The following CNGA2 variants were observed in gnomAD, a reference collection of about 807,000 sequenced individuals.
The protein encoded by CNGA2 is cyclic nucleotide-gated channel alpha-2.
CNGA2 carries 22 observed loss-of-function variants against 35.9 expected under a neutral mutation model. That is an observed-to-expected ratio of 0.61 (90% CI 0.44 to 0.88). CNGA2 has a LOEUF of 0.88. Among genes scored for constraint, CNGA2 ranks in the 40% least tolerant of loss-of-function variants. The pLI, the probability that CNGA2 is intolerant of heterozygous loss-of-function variation, is 0.00. For missense variants in CNGA2, 555 were observed against 530.8 expected, an observed-to-expected ratio of 1.05 and a Z score of -0.45; for synonymous variants, 217 against 209.2, an observed-to-expected ratio of 1.04 and a Z score of -0.32.
At position 151,736,660 on chromosome X, in the gene CNGA2, G is replaced by A. The variant is rs1219238896; in HGVS notation, c.-27+1717G>A. On this transcript the variant is annotated intron_variant, in intron 1 of 6. Coordinates refer to ENST00000329903, the MANE Select transcript of CNGA2 (RefSeq NM_005140.3). Reference sequence around the variant, plus strand: ...TGTTTCCAGCAAGCAGCATGAGGGGGCAGTTTCTGGCAAAGGGGAGGGTGT... The same window carrying A: ...TGTTTCCAGCAAGCAGCATGAGGGGACAGTTTCTGGCAAAGGGGAGGGTGT... 4.5e-5 allele frequency among the ~76,000 whole-genome samples: 5 copies of A among 110,850 alleles called. No homozygotes were observed. The East Asian group carries it at 1.4e-3, about 32-fold the overall frequency.
At chrX:151,740,538 G>A (rs779552833) in intron 4 of CNGA2, among the ~76,000 whole-genome samples, 4 of 112,401 alleles carry the variant, frequency 3.6e-5, no homozygotes, top group African/African-American at 6.5e-5. Flanking sequence ...GGCCTGTAAC[G>A]TGCATGGGAA....
chrX:151,740,516 C>G (rs1297505564), intron 4 of CNGA2, among the ~76,000 whole-genome samples: 2 of 112,311 alleles, frequency 1.8e-5, no homozygotes, highest in Non-Finnish European at 1.9e-5. Context: ...TTGACATGCC[C>G]TCTGGGCAAG....
rs1311522218 is a variant in CNGA2 at position 151,744,587 on chromosome X, A to G, written c.*89A>G. On this transcript the variant is annotated 3_prime_UTR_variant, in exon 7 of 7. Coordinates refer to ENST00000329903, the MANE Select transcript of CNGA2 (RefSeq NM_005140.3). ...TATTTAGATCTCCGGATTTACATGC[A>G]TTACCCTCATGTTCCCTGAATTCTC... 7.6e-6 allele frequency: 6 copies of G among 789,577 alleles called. No homozygotes were observed. The highest frequency in any genetic ancestry group is 1.1e-5 in the Non-Finnish European group (6 of 558,340). 65.1% of individuals were successfully genotyped at this position (789,577 alleles called of 1,213,427 possible). A position where few individuals can be genotyped will look rare whatever the true frequency, so the allele number is the denominator to read the frequency against.
chrX:151,741,124 A>G (rs376245828), intron 5 of CNGA2, among the ~76,000 whole-genome samples: 4 of 112,102 alleles, frequency 3.6e-5, no homozygotes, highest in Admixed American at 2.8e-4. Flanking sequence ...ATTTGCAACA[A>G]ACATGCTTGA....
intron 5 of CNGA2, among the ~76,000 whole-genome samples, chrX:151,741,192 C>T (rs2015302214): frequency 8.9e-6 from 1 of 111,810 alleles, no homozygotes; most frequent in Non-Finnish European, 1.9e-5. Flanking sequence ...AGTGGCTCCC[C>T]ATTGTCCACA....
In CNGA2 at chrX:151,743,084, C is replaced by T. The variant is rs1944083364; in HGVS notation, c.590-9C>T. On this transcript the variant is annotated splice_polypyrimidine_tract_variant and intron_variant, in intron 6 of 6. Transcript: ENST00000329903. ...GCAGAGATGACATGCTGGCTTTCAT[C>T]TCTACTAGGTTTCCTGGAGCAGGGG... is the stretch of plus-strand genomic sequence containing the variant. 1.8e-6 allele frequency: 2 copies of T among 1,093,890 alleles called. No homozygotes were observed. The highest frequency in any genetic ancestry group is 2.4e-6 in the Non-Finnish European group (2 of 827,594). 90.1% of individuals were successfully genotyped at this position (1,093,890 alleles called of 1,213,427 possible).
intron 4 of CNGA2, 27 bp from the exon 5 acceptor site, chrX:151,740,767 A>T: frequency 1.7e-6 from 2 of 1,156,944 alleles, no homozygotes; most frequent in Non-Finnish European, 2.4e-6. Flanking sequence ...CCTGATCCCC[A>T]AACCTTGCCT....
In CNGA2 at chrX:151,740,920, A is replaced by C; in HGVS notation, c.482+19A>C. The C allele has an allele frequency of 8.5e-7, 1 of 1,170,973 alleles. No homozygotes were observed. On this transcript the variant is annotated intron_variant, in intron 5 of 6. Coordinates refer to ENST00000329903, the MANE Select transcript of CNGA2 (RefSeq NM_005140.3). The stretch of plus-strand genomic sequence containing the variant: ...TGGCCAGGTGAGCAGGGTGGGGCCC[A>C]GGAGGGGTGGCCAAAGCAACCCAGT...
intron 3 of CNGA2, among the ~76,000 whole-genome samples, 200 bp from the exon 4 acceptor site, chrX:151,739,362 G>A (rs901222066): frequency 8.0e-5 from 9 of 112,222 alleles, no homozygotes; most frequent in African/African-American, 2.9e-4. Context: ...CTGCATTCAG[G>A]GTCATGCCTG....
intron 1 of CNGA2, among the ~76,000 whole-genome samples, chrX:151,735,345 G>A (rs1212199061): frequency 8.9e-6 from 1 of 111,753 alleles, no homozygotes; most frequent in Non-Finnish European, 1.9e-5. Flanking sequence ...TCTTGTCCTC[G>A]CACTTGTTTG....
At chrX:151,738,367 G>C in intron 1 of CNGA2, 91 bp from the exon 2 acceptor site, 2 of 623,804 alleles carry the variant, frequency 3.2e-6, no homozygotes, top group Non-Finnish European at 2.6e-6. Context: ...GTGGGCCTGG[G>C]TTCTAATCCA....
chrX:151,743,953 A>G lies in CNGA2; in HGVS notation c.1450A>G (p.Lys484Glu), dbSNP rs762393248. ...VFSPGDYICRKGDIGKEMYII... is the reference protein window; with the variant it reads ...VFSPGDYICREGDIGKEMYII... The stretch of plus-strand genomic sequence containing the variant: ...CAGTCCTGGGGATTACATTTGCCGC[A>G]AAGGGGACATCGGCAAGGAGATGTA... Residue 484 changes from lysine (K) to glutamate (E), a missense_variant, in exon 7 of 7, where the codon AAA (lysine) becomes GAA (glutamate). Physicochemically the swap from Lys to Glu is moderately conservative, Grantham distance 56. Coordinates refer to ENST00000329903, the MANE Select transcript of CNGA2 (RefSeq NM_005140.3). 3 of 1,211,308 alleles carry G rather than the reference A, an allele frequency of 2.5e-6. No individual in the cohort carries two copies. The highest frequency in any genetic ancestry group is 2.2e-6 in the Non-Finnish European group (2 of 895,458).
At chrX:151,741,977 C>A (rs959884789) in intron 5 of CNGA2, among the ~76,000 whole-genome samples, 1 of 112,357 alleles carries the variant, frequency 8.9e-6, no homozygotes, top group Non-Finnish European at 1.9e-5. Context: ...GCTCTCTCCC[C>A]AGTCCTCTCC....
At chrX:151,734,976 G>C (rs1310784758) in intron 1 of CNGA2, among the ~76,000 whole-genome samples, 33 bp downstream of exon 1, 1 of 111,777 alleles carries the variant, frequency 8.9e-6, no homozygotes, top group East Asian at 2.8e-4. Flanking sequence ...TGAGATAGAT[G>C]AGTGAATGAA....
intron 5 of CNGA2, 24 bp downstream of exon 5, chrX:151,740,925 G>A: frequency 8.7e-7 from 1 of 1,155,766 alleles, no homozygotes; most frequent in Non-Finnish European, 1.2e-6. Flanking sequence ...GGCCCAGGAG[G>A]GGTGGCCAAA....
At position 151,743,722 on chromosome X, in the gene CNGA2, G is replaced by A. The variant is rs754939798; in HGVS notation, c.1219G>A (p.Ala407Thr). 2 of 1,211,833 alleles carry A rather than the reference G, an allele frequency of 1.7e-6. No homozygotes were observed. Among genetic ancestry groups the A allele is most frequent in the Admixed American group, 4.3e-5 (2 of 46,031 alleles). Residue 407 changes from alanine (A) to threonine (T), a missense_variant, in exon 7 of 7, where the codon GCC becomes ACC. Ala to Thr is a moderately conservative substitution (Grantham distance 58). Transcript: ENST00000329903. ...CCGAAAGGTCAGCAAGGGGATGGAA[G>A]CCAAGGTCATTAGGTGGTTTGACTA... ...QFRKVSKGMEAKVIRWFDYLW... is the reference protein window; with the variant it reads ...QFRKVSKGMETKVIRWFDYLW...
chrX:151,736,395 C>A (rs898698022), intron 1 of CNGA2, among the ~76,000 whole-genome samples: 3 of 111,919 alleles, frequency 2.7e-5, no homozygotes, highest in Non-Finnish European at 5.6e-5. Context: ...GTGGACAGAA[C>A]TTTGACGCTT....
rs1372018579 is a variant in CNGA2, at chrX:151,744,574, C to T, written c.*76C>T. On this transcript the variant is annotated 3_prime_UTR_variant, in exon 7 of 7. Coordinates refer to ENST00000329903, the MANE Select transcript of CNGA2 (RefSeq NM_005140.3). ...AAGCTAGAGGAGCTATTTAGATCTCCGGATTTACATGCATTACCCTCATGT... is the reference window on the plus strand; with the variant it reads ...AAGCTAGAGGAGCTATTTAGATCTCTGGATTTACATGCATTACCCTCATGT... 8 of 872,890 alleles carry T rather than the reference C, an allele frequency of 9.2e-6. No homozygotes were observed. Among genetic ancestry groups the T allele is most frequent in the South Asian group, 8.2e-5 (3 of 36,435 alleles). The allele number at this position is 872,890 out of a possible 1,213,427, so 71.9% of individuals were successfully genotyped here.
At position 151,744,107 on chromosome X, in the gene CNGA2, G is replaced by A. The variant is rs959972258; in HGVS notation, c.1604G>A (p.Arg535Gln). ...LNIKGSKMGN[R>Q]RTANIRSLGY... ...ATTAAGGGCAGTAAAATGGGCAATC[G>A]ACGCACAGCTAATATCCGCAGCCTG... Residue 535 changes from arginine to glutamine, a missense_variant, in exon 7 of 7, where the codon CGA (arginine) becomes CAA (glutamine). Coordinates refer to ENST00000329903, the MANE Select transcript of CNGA2 (RefSeq NM_005140.3). 3 of 1,208,271 alleles carry A rather than the reference G, an allele frequency of 2.5e-6. No individual in the cohort carries two copies. The highest frequency in any genetic ancestry group is 1.8e-5 in the African/African-American group (1 of 56,643).
Sources: gnomAD v4.1 joint callset for allele counts (sites outside exome capture counted in the v4.1 genomes callset) on GRCh38, gnomAD v4.1.1 for gene constraint, MANE v1.5 for transcripts, NCBI Gene and HGNC (gene_info 2026-07-23, HGNC 2026-07-21) for gene names.